The following GRAP2 variants were observed in gnomAD, a reference collection of about 807,000 sequenced individuals.
The protein encoded by GRAP2 is GRB2 related adaptor protein 2.
A neutral mutation model predicts 43.5 loss-of-function variants in GRAP2; 31 were observed. That is an observed-to-expected ratio of 0.71 (90% CI 0.54 to 0.96). The LOEUF (loss-of-function observed/expected upper bound fraction) is 0.96. Among genes scored for constraint, GRAP2 ranks in the 40% least tolerant of loss-of-function variants. GRAP2 has a pLI of 0.00. For synonymous variants in GRAP2, 156 were observed against 164.8 expected, an observed-to-expected ratio of 0.95 and a Z score of 0.41; for missense variants, 371 against 424.4, an observed-to-expected ratio of 0.87 and a Z score of 1.11.
chr22:39,948,169 C>T (rs1212997939), intron 2 of GRAP2: 2 of 152,176 alleles, frequency 1.3e-5, no homozygotes, highest in African/African-American at 2.4e-5. Context: ...GAGCACAAAA[C>T]ACCACAGAAT....
intron 1 of GRAP2, among the ~76,000 whole-genome samples, chr22:39,901,622 G>A (rs2066493345): frequency 6.6e-6 from 1 of 152,088 alleles, no homozygotes; most frequent in African/African-American, 2.4e-5. Context: ...TTTCGACCTT[G>A]GGATCATGGA....
chr22:39,919,400 T>C (rs1017690399), intron 1 of GRAP2, among the ~76,000 whole-genome samples: 1 of 152,216 alleles, frequency 6.6e-6, no homozygotes, highest in African/African-American at 2.4e-5. Flanking sequence ...AAATAACTTA[T>C]ATTTTGCAGT....
chr22:39,949,086 T>C (rs1274095923), intron 2 of GRAP2, among the ~76,000 whole-genome samples: 1 of 152,156 alleles, frequency 6.6e-6, no homozygotes, highest in African/African-American at 2.4e-5. Flanking sequence ...TCCAATTGTC[T>C]GCTGGATGTC....
Position 39,947,182 on chromosome 22 carries a change from A to C in GRAP2, c.76A>C (p.Lys26Gln), listed in dbSNP as rs150476109. 1.0e-4 allele frequency: 157 copies of C among 1,567,424 alleles called. No individual in the cohort carries two copies. The highest frequency in any genetic ancestry group is 1.3e-4 in the Non-Finnish European group (153 of 1,137,640). The change falls in exon 2 of 8, where the codon AAG becomes CAG. Residue 26 changes from lysine (K) to glutamine (Q), a missense_variant and splice_region_variant. Transcript: ENST00000344138. ...GAGCTTTCACACTGGAGATGTTTTGAAGGTAGGTGACCTGGGGCCCCAGGG... is the reference window on the plus strand; with the variant it reads ...GAGCTTTCACACTGGAGATGTTTTGCAGGTAGGTGACCTGGGGCCCCAGGG... ...ELSFHTGDVLKILSNQEEWFK... is the reference protein window; with the variant it reads ...ELSFHTGDVLQILSNQEEWFK...
Position 39,960,066 on chromosome 22 carries a change from A to G in GRAP2, c.182A>G (p.Glu61Gly), listed in dbSNP as rs1296442281. The G allele has an allele frequency of 5.0e-6, 8 of 1,613,468 alleles. No homozygotes were observed. Among genetic ancestry groups the G allele is most frequent in the Non-Finnish European group, 6.8e-6 (8 of 1,179,580 alleles). The change falls in exon 4 of 8, where the codon GAA becomes GGA. Residue 61 changes from glutamate to glycine, a missense_variant. Physicochemically the swap from Glu to Gly is moderately conservative, Grantham distance 98. Transcript: ENST00000344138. The stretch of plus-strand genomic sequence containing the variant: ...TCTCGCCCCCACAGATGGTTTCACG[A>G]AGGCCTCTCTCGACACCAGGCAGAG... ...IDIQFPKWFH[E>G]GLSRHQAENL... is the part of the protein sequence containing the mutation.
rs116302556 is a variant in GRAP2, at chr22:39,963,668, A to G, written c.291-2322A>G. Reference sequence around the variant, plus strand: ...AGCAAATCCCAGCACATAAGATGAGATTGAGGGTCAGAATTTCCATCTCCT... The same window carrying G: ...AGCAAATCCCAGCACATAAGATGAGGTTGAGGGTCAGAATTTCCATCTCCT... On this transcript the variant is annotated intron_variant, in intron 4 of 7. Transcript: ENST00000344138. 9.4e-3 allele frequency among the ~76,000 whole-genome samples: 1,435 copies of G among 152,254 alleles called. 21 individuals are homozygous for G. Among genetic ancestry groups the G allele is most frequent in the African/African-American group, 0.033 (1,360 of 41,536 alleles).
At position 39,971,035 on chromosome 22, in the gene GRAP2, A is replaced by G. The variant is rs765742549; in HGVS notation, c.944A>G (p.Asn315Ser). ...NPSWWTGRLH[N>S]KLGLFPANYV... ...TCCTGGTGGACCGGCCGCCTGCACA[A>G]CAAGCTGGGCCTCTTCCCTGCCAAC... Residue 315 changes from asparagine (N) to serine (S), a missense_variant, in exon 8 of 8, where the codon AAC becomes AGC. Physicochemically the swap from Asn to Ser is conservative, Grantham distance 46 (BLOSUM62 1). Coordinates refer to ENST00000344138, the MANE Select transcript of GRAP2 (RefSeq NM_004810.4). 14 of 1,613,772 alleles carry G rather than the reference A, an allele frequency of 8.7e-6. No individual in the cohort carries two copies. Among genetic ancestry groups the G allele is most frequent in the South Asian group, 1.1e-5 (1 of 91,050 alleles).
At chr22:39,894,866 AT>A in the GRAP2 span, among the ~76,000 whole-genome samples, 3 of 152,230 alleles carry the variant, frequency 2.0e-5, no homozygotes, top group African/African-American at 7.2e-5. Flanking sequence ...AGATCATCTA[AT>A]TCTGCCACTG....
At chr22:39,944,627 T>TG (rs1356558774) in intron 1 of GRAP2, among the ~76,000 whole-genome samples, 1 of 152,194 alleles carries the variant, frequency 6.6e-6, no homozygotes, top group Admixed American at 6.5e-5. Flanking sequence ...GCCTACCTCC[T>TG]GGGGGAAGGC....
At chr22:39,965,882 T>A in intron 4 of GRAP2, 108 bp from the exon 5 acceptor site, 1 of 946,162 alleles carries the variant, frequency 1.1e-6, no homozygotes, top group Non-Finnish European at 1.7e-6. Flanking sequence ...GTCATCCATA[T>A]CTACATCTCC....
intron 6 of GRAP2, among the ~76,000 whole-genome samples, chr22:39,969,103 G>A (rs1211991139): frequency 1.3e-5 from 2 of 152,192 alleles, no homozygotes; most frequent in Non-Finnish European, 2.9e-5. Context: ...CTAAATGGAA[G>A]CTCCATGAAG....
chr22:39,970,751 T>C (rs1166208277), intron 7 of GRAP2, among the ~76,000 whole-genome samples, 154 bp from the exon 8 acceptor site: 1 of 151,962 alleles, frequency 6.6e-6, no homozygotes, highest in Non-Finnish European at 1.5e-5. Context: ...CAAGACCCCA[T>C]CTCTACAAAA....
At chr22:39,894,101 A>G in the GRAP2 span, among the ~76,000 whole-genome samples, 4 of 152,134 alleles carry the variant, frequency 2.6e-5, no homozygotes, top group African/African-American at 9.7e-5. Flanking sequence ...AAAAAGAAAA[A>G]AAATGCCAAG....
chr22:39,937,836 C>T lies in GRAP2; in HGVS notation c.-14-9257C>T, dbSNP rs79236125. 6.3e-3 allele frequency among the ~76,000 whole-genome samples: 957 copies of T among 152,262 alleles called. 20 individuals are homozygous for T. In the East Asian group the frequency reaches 0.078, roughly 12 times the overall value. On this transcript the variant is annotated intron_variant, in intron 1 of 7. Transcript: ENST00000344138. ...ACCTCCCACTGAGGTAGGCAAGCCT[C>T]GCCTTGCAGAGAGTGGCAAATTAGG...
intron 2 of GRAP2, among the ~76,000 whole-genome samples, chr22:39,950,432 A>G (rs2066970001): frequency 6.6e-6 from 1 of 152,114 alleles, no homozygotes; most frequent in African/African-American, 2.4e-5. Flanking sequence ...TGTCTACTCC[A>G]CTAGCAAAAG....
At chr22:39,956,985 A>G (rs2067060268) in intron 3 of GRAP2, among the ~76,000 whole-genome samples, 1 of 152,108 alleles carries the variant, frequency 6.6e-6, no homozygotes, top group Non-Finnish European at 1.5e-5. Flanking sequence ...CCTTCAGTAA[A>G]GCATGCTCAC....
rs1039493540 is a variant in GRAP2 at position 39,901,363 on chromosome 22, C to G, written c.-15+33C>G. On this transcript the variant is annotated intron_variant, in intron 1 of 7. Transcript: ENST00000344138. ...ATTATACAACATCTGTACATATACT[C>G]TAGAAACTTTGAACAGTTTTATAAT... The G allele has an allele frequency of 1.9e-5, 14 of 750,978 alleles. No homozygotes were observed. The African/African-American group carries it at 2.2e-4, about 12-fold the overall frequency. 46.5% of individuals were successfully genotyped at this position (750,978 alleles called of 1,614,324 possible).
At position 39,911,785 on chromosome 22, in the gene GRAP2, G is replaced by A. The variant is rs569987262; in HGVS notation, c.-15+10455G>A. 3.3e-5 allele frequency among the ~76,000 whole-genome samples: 5 copies of A among 152,208 alleles called. No homozygotes were observed. In the South Asian group the frequency reaches 6.2e-4, roughly 19 times the overall value. ...TTTTTAATCCAGGGCCTGGGCACTC[G>A]TAGCAGAGTGTGATCCTAGGACCAG... On this transcript the variant is annotated intron_variant, in intron 1 of 7. Coordinates refer to ENST00000344138, the MANE Select transcript of GRAP2 (RefSeq NM_004810.4).
At chr22:39,906,830 AAAT>A (rs2066526764) in intron 1 of GRAP2, among the ~76,000 whole-genome samples, 1 of 152,228 alleles carries the variant, frequency 6.6e-6, no homozygotes, top group Non-Finnish European at 1.5e-5. Context: ...GGAACTCAGT[AAAT>A]AATAAGTAGA....
Sources: gnomAD v4.1 joint callset for allele counts (sites outside exome capture counted in the v4.1 genomes callset) on GRCh38, gnomAD v4.1.1 for gene constraint, MANE v1.5 for transcripts, NCBI Gene and HGNC (gene_info 2026-07-23, HGNC 2026-07-21) for gene names.